Variants in RET observed in about 807,000 individuals in gnomAD.
RET encodes ret proto-oncogene, also known as proto-oncogene tyrosine-protein kinase receptor Ret.
RET carries 19 observed loss-of-function variants against 118.3 expected under a neutral mutation model. That is an observed-to-expected ratio of 0.16 (90% CI 0.11 to 0.24). RET has a LOEUF of 0.24. RET is among the 10% of genes least tolerant of loss of function. RET has a pLI of 1.00. For synonymous variants in RET, 597 were observed against 644.1 expected (o/e 0.93, Z 1.11); for missense variants, 1,219 against 1,502.1 (o/e 0.81, Z 3.12).
At chr10:43,110,537 G>A (rs1314956432) in intron 6 of RET, among the ~76,000 whole-genome samples, 2 of 152,180 alleles carry the variant, frequency 1.3e-5, no homozygotes, top group Admixed American at 6.5e-5. Flanking sequence ...CTGACTCCAG[G>A]TCCTGGCATC....
chr10:43,080,832 G>A (rs969165653), intron 1 of RET, among the ~76,000 whole-genome samples: 6 of 152,236 alleles, frequency 3.9e-5, no homozygotes, highest in Admixed American at 2.6e-4. Flanking sequence ...TCTGTGGATG[G>A]CAGGAAGGCA....
chr10:43,112,168 G>A lies in RET; in HGVS notation c.1592G>A (p.Cys531Tyr), dbSNP rs1837952614. ...AAGAGACGGCTGGAGTGTGAGGAGT[G>A]TGGCGGCCTGGGCTCCCCAACAGGC... ...VSKRRLECEE[C>Y]GGLGSPTGRC... is the part of the protein sequence containing the mutation. Residue 531 changes from cysteine to tyrosine, a missense_variant, in exon 8 of 20, where the codon TGT (cysteine) becomes TAT (tyrosine). Transcript: ENST00000355710. 6 of 1,580,202 alleles carry A rather than the reference G, an allele frequency of 3.8e-6. No homozygotes were observed. Among genetic ancestry groups the A allele is most frequent in the Non-Finnish European group, 5.2e-6 (6 of 1,162,614 alleles).
intron 3 of RET, among the ~76,000 whole-genome samples, chr10:43,104,228 T>C (rs1837706086): frequency 6.6e-6 from 1 of 151,780 alleles, no homozygotes; most frequent in Non-Finnish European, 1.5e-5. Context: ...TTTCAAGTGG[T>C]AGAATCGTGG....
chr10:43,077,169 G>C lies in RET; in HGVS notation c.-90G>C, dbSNP rs1443738435. The C allele has an allele frequency of 7.4e-7, 1 of 1,347,190 alleles. No homozygotes were observed. The highest frequency in any genetic ancestry group is 9.5e-7 in the Non-Finnish European group (1 of 1,050,580). The allele number at this position is 1,347,190 out of a possible 1,614,324, so 83.5% of individuals were successfully genotyped here. On this transcript the variant is annotated 5_prime_UTR_variant, in exon 1 of 20. The change abolishes an upstream ATG in the 5' untranslated region. Coordinates refer to ENST00000355710, the MANE Select transcript of RET (RefSeq NM_020975.6). ...CGTCCGCCGCGCCCCGGGCGGGGAT[G>C]GGGCGGCCAGACTGAGCGCCGCACC...
chr10:43,111,177 T>A (rs1376445657), intron 6 of RET, 30 bp from the exon 7 acceptor site: 1 of 1,612,564 alleles, frequency 6.2e-7, no homozygotes, highest in Non-Finnish European at 8.5e-7. Context: ...TCCAGCTGCC[T>A]GGCTAAGGTG....
intron 1 of RET, among the ~76,000 whole-genome samples, chr10:43,093,199 C>T (rs1043527370): frequency 2.6e-5 from 4 of 152,086 alleles, no homozygotes; most frequent in African/African-American, 7.2e-5. Context: ...CTGCAAGCAG[C>T]GGACAGTTAA....
chr10:43,104,682 G>A (rs1837717394), intron 3 of RET: 2 of 585,022 alleles, frequency 3.4e-6, no homozygotes, highest in Admixed American at 3.0e-5. Flanking sequence ...CCTGGTCCTG[G>A]CTCTTCCCAA....
chr10:43,119,538 C>G lies in RET; in HGVS notation c.2400C>G (p.Leu800=). The change falls in exon 14 of 20, where the codon CTC becomes CTG. Residue 800 remains leucine, a synonymous_variant. Coordinates refer to ENST00000355710, the MANE Select transcript of RET (RefSeq NM_020975.6). ...LYGACSQDGP[L]LLIVEYAKYG... ...CCCTCTCTCCGCCCCCAGGCCCGCT[C>G]CTCCTCATCGTGGAGTACGCCAAAT... is the stretch of plus-strand genomic sequence containing the variant. 6.2e-7 allele frequency: 1 copy of G among 1,601,406 alleles called. No individual in the cohort carries two copies. Among genetic ancestry groups the G allele is most frequent in the Admixed American group, 1.7e-5 (1 of 59,040 alleles).
At chr10:43,111,572 G>C (rs2132781027) in intron 7 of RET, 107 bp downstream of exon 7, 1 of 1,312,282 alleles carries the variant, frequency 7.6e-7, no homozygotes, top group Non-Finnish European at 1.0e-6. Context: ...TAGCTGGGGA[G>C]TGGGGAAGGC....
chr10:43,081,234 A>G (rs532656874), intron 1 of RET, among the ~76,000 whole-genome samples: 132 of 146,994 alleles, frequency 9.0e-4, no homozygotes, highest in Non-Finnish European at 1.3e-3. Context: ...GTGCCAGGTT[A>G]TGCTCCCTCC....
rs1188339370 is a variant in RET at position 43,113,682 on chromosome 10, G to C, written c.1879+7G>C. The C allele has an allele frequency of 6.2e-7, 1 of 1,612,864 alleles. No homozygotes were observed. Among genetic ancestry groups the C allele is most frequent in the South Asian group, 1.1e-5 (1 of 90,928 alleles). On this transcript the variant is annotated splice_region_variant and intron_variant, in intron 10 of 19. Transcript: ENST00000355710. ...GAGCCCGAAGACATCCAGGGTGAGT[G>C]GGTGGCGGCCGGGACCACCACCACC...
chr10:43,130,133 A>T lies in RET; in HGVS notation c.*1864A>T, dbSNP rs1050498758. ...ACCTAATTGTCTATTCCTGAGTTAT[A>T]AAAGTCCCCATCCTTATTAGCTCTA... On this transcript the variant is annotated 3_prime_UTR_variant, in exon 20 of 20. Transcript: ENST00000355710. 28 of 397,906 alleles carry T rather than the reference A, an allele frequency of 7.0e-5. No individual in the cohort carries two copies. Among genetic ancestry groups the T allele is most frequent in the African/African-American group, 5.3e-4 (26 of 48,628 alleles). 24.6% of individuals were successfully genotyped at this position (397,906 alleles called of 1,614,324 possible). A position where few individuals can be genotyped will look rare whatever the true frequency, so the allele number is the denominator to read the frequency against.
intron 19 of RET, chr10:43,127,262 T>A: frequency 9.3e-7 from 1 of 1,070,848 alleles, no homozygotes; most frequent in Non-Finnish European, 1.1e-6. Flanking sequence ...CCACATGTCC[T>A]CCATCAGGGG....
intron 1 of RET, among the ~76,000 whole-genome samples, chr10:43,081,472 A>T (rs1398595467): frequency 6.6e-6 from 1 of 152,126 alleles, no homozygotes; most frequent in East Asian, 1.9e-4. Context: ...GGACTTCCGC[A>T]TGCGTGTGTG....
At position 43,100,742 on chromosome 10, in the gene RET, A is replaced by ACCCCCCCCCTGGCCCCC; in HGVS notation, c.337+23_337+24insCCCCCCTGGCCCCCCCC. On this transcript the variant is annotated intron_variant, in intron 2 of 19. Transcript: ENST00000355710. ...TCCGCAGTAAGGGAGCCGCCCCAAC[A>ACCCCCCCCCTGGCCCCC]CCCACCCCGTGCCCCACCCCACCCC... is the stretch of plus-strand genomic sequence containing the variant. 1.9e-6 allele frequency: 3 copies of ACCCCCCCCCTGGCCCCC among 1,561,864 alleles called. No individual in the cohort carries two copies. Among genetic ancestry groups the ACCCCCCCCCTGGCCCCC allele is most frequent in the Non-Finnish European group, 1.7e-6 (2 of 1,154,000 alleles).
intron 18 of RET, among the ~76,000 whole-genome samples, chr10:43,125,497 C>T (rs1335771990): frequency 6.6e-6 from 1 of 152,188 alleles, no homozygotes; most frequent in African/African-American, 2.4e-5. Context: ...TTTATGTTGT[C>T]TCCCAGTTTT....
At chr10:43,078,311 A>T (rs940461639) in intron 1 of RET, among the ~76,000 whole-genome samples, 5 of 152,234 alleles carry the variant, frequency 3.3e-5, no homozygotes, top group African/African-American at 9.6e-5. Flanking sequence ...ATCCTCCCTC[A>T]CTCCTTACAA....
intron 1 of RET, among the ~76,000 whole-genome samples, chr10:43,084,092 G>C (rs964411320): frequency 4.6e-5 from 7 of 152,344 alleles, no homozygotes; most frequent in Middle Eastern, 3.4e-3. Flanking sequence ...CTTCCTGTGA[G>C]GGGTAAATAG....
chr10:43,109,501 T>G (rs1211776531), intron 6 of RET, among the ~76,000 whole-genome samples: 1 of 152,208 alleles, frequency 6.6e-6, no homozygotes, highest in Non-Finnish European at 1.5e-5. Flanking sequence ...GCAAGAGCAA[T>G]ACTGGGTAAA....
Sources: gnomAD v4.1 joint callset for allele counts (sites outside exome capture counted in the v4.1 genomes callset) on GRCh38, gnomAD v4.1.1 for gene constraint, MANE v1.5 for transcripts, NCBI Gene and HGNC (gene_info 2026-07-23, HGNC 2026-07-21) for gene names.